URB1: variants seen among roughly 807,000 people sequenced by gnomAD.
The protein encoded by URB1 is nucleolar pre-ribosomal-associated protein 1.
Under a neutral mutation model 242.3 loss-of-function variants are expected in URB1, and 197 were observed. That is an observed-to-expected ratio of 0.81 (90% confidence interval 0.72 to 0.91). The LOEUF is 0.91. URB1 is among the 40% of genes least tolerant of loss of function. URB1 has a pLI of 0.00. For missense variants in URB1, 2,721 were observed against 2,860.5 expected (o/e 0.95, Z 1.11); for synonymous variants, 1,153 against 1,201.8 (o/e 0.96, Z 0.84).
intron 26 of URB1, among the ~76,000 whole-genome samples, chr21:32,337,817 C>T (rs1368014272): frequency 2.6e-5 from 4 of 152,010 alleles, no homozygotes; most frequent in Non-Finnish European, 5.9e-5. Context: ...GCCACCGCGC[C>T]CAGCCCCCCA....
intron 21 of URB1, among the ~76,000 whole-genome samples, chr21:32,348,204 T>C (rs1185565820): frequency 2.0e-5 from 3 of 152,240 alleles, no homozygotes; most frequent in African/African-American, 7.2e-5. Context: ...AACACCACCA[T>C]GTGAGTAAGA....
chr21:32,392,306 T>C (rs1366827056), intron 1 of URB1, among the ~76,000 whole-genome samples: 2 of 152,328 alleles, frequency 1.3e-5, no homozygotes, highest in African/African-American at 2.4e-5. Flanking sequence ...GTAGCTGTGG[T>C]GGCTTCTAGT....
intron 28 of URB1, chr21:32,335,682 A>C (rs1281822797): frequency 6.6e-6 from 1 of 152,564 alleles, no homozygotes; most frequent in Non-Finnish European, 1.5e-5. Context: ...GCAGGCAGAG[A>C]GCCCATGCGC....
Position 32,311,626 on chromosome 21 carries a change from A to G in URB1, c.*3292T>C. The G allele has an allele frequency of 1.9e-6, 3 of 1,589,008 alleles. No homozygotes were observed. The highest frequency in any genetic ancestry group is 1.7e-4 in the Middle Eastern group (1 of 5,898). On this transcript the variant is annotated 3_prime_UTR_variant, in exon 39 of 39. Transcript: ENST00000382751. ...GTGGCAGGAAACCCCCCAGCCCCAC[A>G]GTATGGACTGTTCTGCAGCAACTAT... is the stretch of plus-strand genomic sequence containing the variant.
chr21:32,359,828 G>A lies in URB1; in HGVS notation c.1837C>T (p.Pro613Ser). 1 of 1,546,606 alleles carries A rather than the reference G, an allele frequency of 6.5e-7. No individual in the cohort carries two copies. The highest frequency in any genetic ancestry group is 8.7e-7 in the Non-Finnish European group (1 of 1,145,168). The change falls in exon 14 of 39, where the codon CCG becomes TCG. Residue 613 changes from proline (P) to serine (S), a missense_variant. Transcript: ENST00000382751. ...HHMLKVALELPASKFLWLKAQ... is the reference protein window; with the variant it reads ...HHMLKVALELSASKFLWLKAQ... Reference sequence around the variant, plus strand: ...TTTAACCACAGAAACTTGCTGGCCGGCAGCTCCAGGGCCACCTTCAGCATG... The same window carrying A: ...TTTAACCACAGAAACTTGCTGGCCGACAGCTCCAGGGCCACCTTCAGCATG...
At chr21:32,336,127 C>T (rs761388171) in intron 28 of URB1, among the ~76,000 whole-genome samples, 4 of 152,102 alleles carry the variant, frequency 2.6e-5, no homozygotes, top group South Asian at 4.1e-4. Flanking sequence ...GTCAAAAGAG[C>T]GAGGCTGCCG....
chr21:32,347,712 G>A lies in URB1; in HGVS notation c.3112C>T (p.Pro1038Ser). The A allele has an allele frequency of 6.4e-7, 1 of 1,551,080 alleles. No homozygotes were observed. Among genetic ancestry groups the A allele is most frequent in the Non-Finnish European group, 8.7e-7 (1 of 1,147,006 alleles). ...GTGGCCAGGAGCTTCACGAGGACAG[G>A]GCTGAGCGTGTGCGGCGGGAGGGCC... The part of the protein sequence containing the change: ...QQALPPHTLS[P>S]VLVKLLATHF... Residue 1038 changes from proline to serine, a missense_variant, in exon 22 of 39, where the codon CCT becomes TCT. Transcript: ENST00000382751.
In URB1 at chr21:32,334,254, C is replaced by A; in HGVS notation, c.4766G>T (p.Ser1589Ile). ...SLGRSLWQQP[S>I]VGDILRLLDR... ...CAGCAGGCGAAGGATGTCCCCGACA[C>A]TCGGCTGCTGCCACAGTGACCTGCC... Residue 1589 changes from serine (S) to isoleucine (I), a missense_variant, in exon 29 of 39, where the codon AGT becomes ATT. Physicochemically the swap from Ser to Ile is moderately radical, Grantham distance 142. Coordinates refer to ENST00000382751, the MANE Select transcript of URB1 (RefSeq NM_014825.3). 1 of 1,551,576 alleles carries A rather than the reference C, an allele frequency of 6.4e-7. No individual in the cohort carries two copies. The highest frequency in any genetic ancestry group is 2.4e-5 in the East Asian group (1 of 40,912).
intron 1 of URB1, among the ~76,000 whole-genome samples, chr21:32,387,600 C>A (rs375259955): frequency 5.5e-3 from 684 of 124,590 alleles, no homozygotes; most frequent in Non-Finnish European, 5.5e-3. Flanking sequence ...TCACCTTATT[C>A]AAAAAAAAAA....
At chr21:32,363,095 G>A in intron 11 of URB1, 61 bp downstream of exon 11, 7 of 1,512,794 alleles carry the variant, frequency 4.6e-6, no homozygotes, top group Non-Finnish European at 6.2e-6. Context: ...TAGGGCTGCA[G>A]AATGGCCTTT....
Position 32,319,202 on chromosome 21 carries a change from G to C in URB1, c.5792+15C>G. ...AAGAGGCCAGAAGGGCCCCCCTGGC[G>C]GGGGCAGGACTCACCTCAGGTGCTT... On this transcript the variant is annotated intron_variant, in intron 36 of 38. Transcript: ENST00000382751. 2 of 1,535,268 alleles carry C rather than the reference G, an allele frequency of 1.3e-6. No individual in the cohort carries two copies. The highest frequency in any genetic ancestry group is 1.8e-6 in the Non-Finnish European group (2 of 1,142,248).
At chr21:32,364,439 C>T (rs143946563) in intron 10 of URB1, among the ~76,000 whole-genome samples, 1 of 152,288 alleles carries the variant, frequency 6.6e-6, no homozygotes, top group Admixed American at 6.5e-5. Context: ...ACTGACAGTG[C>T]GGTAGAAACA....
intron 25 of URB1, 79 bp from the exon 26 acceptor site, chr21:32,338,979 T>C: frequency 1.5e-6 from 2 of 1,329,042 alleles, no homozygotes; most frequent in Non-Finnish European, 2.0e-6. Context: ...AGATTCTTTT[T>C]CTCAGTATTT....
At chr21:32,319,148 T>TC in intron 36 of URB1, 69 bp downstream of exon 36, 1 of 1,449,028 alleles carries the variant, frequency 6.9e-7, no homozygotes, top group Non-Finnish European at 9.2e-7. Flanking sequence ...AGACATGGTG[T>TC]CCACAGGTGG....
At position 32,361,197 on chromosome 21, in the gene URB1, A is replaced by AAGAC. The variant is rs1555839868; in HGVS notation, c.1640-75_1640-74insGTCT. 5,997 of 901,524 alleles carry AAGAC rather than the reference A, an allele frequency of 6.7e-3. 122 individuals carry two copies. The highest frequency in any genetic ancestry group is 7.2e-3 in the Non-Finnish European group (4,450 of 617,984). The allele number at this position is 901,524 out of a possible 1,614,324, so 55.8% of individuals were successfully genotyped here. On this transcript the variant is annotated intron_variant, in intron 12 of 38. Transcript: ENST00000382751. ...AAAGAAAGAAAGAAAGAAAGAAAGA[A>AAGAC]AGAAAGAAAATAGCTTGAATTAGAA...
intron 30 of URB1, 65 bp downstream of exon 30, chr21:32,333,252 T>C (rs1404441974): frequency 7.5e-7 from 1 of 1,327,540 alleles, no homozygotes; most frequent in Non-Finnish European, 1.1e-6. Flanking sequence ...ATAATTACCA[T>C]AATCAACCTG....
Position 32,338,794 on chromosome 21 carries a change from C to A in URB1, c.4423G>T (p.Val1475Phe), listed in dbSNP as rs772485675. 7.1e-6 allele frequency: 11 copies of A among 1,551,662 alleles called. No homozygotes were observed. In the South Asian group the frequency reaches 9.5e-5, roughly 13 times the overall value. The change falls in exon 26 of 39, where the codon GTC (valine) becomes TTC (phenylalanine). Residue 1475 changes from valine (V) to phenylalanine (F), a missense_variant. Val to Phe is a conservative substitution (Grantham distance 50, BLOSUM62 -1). Transcript: ENST00000382751. ...GAGTGCTGCATGAGCATCACGTAGA[C>A]CACCGGGAGCTGGATGAGCTTCGTG... ...VRTKLIQLPV[V>F]YVMLMQHSLF...
intron 38 of URB1, 49 bp from the exon 39 acceptor site, chr21:32,315,148 C>G (rs762817151): frequency 5.6e-6 from 8 of 1,439,788 alleles, no homozygotes; most frequent in Non-Finnish European, 7.4e-6. Context: ...CTGCTCAGCT[C>G]GAAAACAGGT....
At chr21:32,384,626 G>T (rs996976634) in intron 2 of URB1, among the ~76,000 whole-genome samples, 162 bp from the exon 3 acceptor site, 4 of 152,146 alleles carry the variant, frequency 2.6e-5, no homozygotes, top group Admixed American at 1.3e-4. Flanking sequence ...AGCTTGGCAG[G>T]CTGATCTGCA....
Sources: allele counts gnomAD v4.1 joint callset (sites outside exome capture counted in the v4.1 genomes callset), GRCh38; gene constraint gnomAD v4.1.1; transcripts MANE v1.5; gene names NCBI Gene and HGNC (gene_info 2026-07-23, HGNC 2026-07-21).